The following ANKS1B variants were observed in gnomAD, a reference collection of about 807,000 sequenced individuals.
ANKS1B encodes ankyrin repeat and sterile alpha motif domain-containing protein 1B.
Under a neutral mutation model 148.3 loss-of-function variants are expected in ANKS1B, and 36 were observed. That is an observed-to-expected ratio of 0.24 (90% CI 0.19 to 0.32). The LOEUF is 0.32. Among genes scored for constraint, ANKS1B ranks in the 10% least tolerant of loss-of-function variants. ANKS1B has a pLI of 1.00. For synonymous variants in ANKS1B, 542 were observed against 560.8 expected, an observed-to-expected ratio of 0.97 and a Z score of 0.47; for missense variants, 1,157 against 1,542.6, an observed-to-expected ratio of 0.75 and a Z score of 4.19.
At chr12:99,751,358 A>G (rs893609862) in intron 8 of ANKS1B, among the ~76,000 whole-genome samples, 8 of 152,076 alleles carry the variant, frequency 5.3e-5, no homozygotes, top group Non-Finnish European at 8.8e-5. Context: ...CCTATAAAGC[A>G]TCTCGAAAGT....
At chr12:99,135,858 G>A (rs1367267521) in intron 15 of ANKS1B, among the ~76,000 whole-genome samples, 9 of 152,172 alleles carry the variant, frequency 5.9e-5, no homozygotes. Context: ...AATGATGAAT[G>A]TGTGGCAGTC....
chr12:99,510,470 G>A (rs965741423), intron 9 of ANKS1B, among the ~76,000 whole-genome samples: 3 of 151,954 alleles, frequency 2.0e-5, no homozygotes, highest in Non-Finnish European at 2.9e-5. Flanking sequence ...TTTGACTTTG[G>A]TGGAGGAAGT....
intron 10 of ANKS1B, among the ~76,000 whole-genome samples, chr12:99,502,880 T>A (rs2096669513): frequency 6.6e-6 from 1 of 152,182 alleles, no homozygotes; most frequent in Non-Finnish European, 1.5e-5. Context: ...AAAAATCCAT[T>A]TTTTTCACTT....
At chr12:99,085,902 C>T (rs1307623215) in intron 15 of ANKS1B, among the ~76,000 whole-genome samples, 1 of 152,126 alleles carries the variant, frequency 6.6e-6, no homozygotes, top group Non-Finnish European at 1.5e-5. Flanking sequence ...GGAAAAATAA[C>T]TCATCAGTAC....
At chr12:99,033,351 T>C (rs990035195) in intron 17 of ANKS1B, among the ~76,000 whole-genome samples, 1 of 152,232 alleles carries the variant, frequency 6.6e-6, no homozygotes, top group African/African-American at 2.4e-5. Flanking sequence ...TAAGGACATA[T>C]AAGAAATGCA....
At chr12:99,714,979 A>G (rs2153541955) in intron 8 of ANKS1B, among the ~76,000 whole-genome samples, 1 of 151,278 alleles carries the variant, frequency 6.6e-6, no homozygotes, top group South Asian at 2.1e-4. Context: ...AAAAAAAAAA[A>G]TTAGCTGGGC....
At chr12:99,369,629 C>CT (rs34354908) in intron 12 of ANKS1B, among the ~76,000 whole-genome samples, 67,794 of 151,854 alleles carry the variant, frequency 0.45, 17,413 homozygotes, top group African/African-American at 0.71. Context: ...AGAGAATGCT[C>CT]TTTTCTATAT....
At chr12:99,215,924 G>A (rs577294226) in intron 14 of ANKS1B, among the ~76,000 whole-genome samples, 25 of 152,286 alleles carry the variant, frequency 1.6e-4, no homozygotes, top group South Asian at 8.3e-4. Flanking sequence ...CAAGAGATTT[G>A]GAAGGGGCCA....
intron 17 of ANKS1B, among the ~76,000 whole-genome samples, chr12:98,932,223 C>A (rs946591667): frequency 4.6e-5 from 7 of 152,104 alleles, no homozygotes; most frequent in African/African-American, 1.7e-4. Flanking sequence ...TCCAATCAGC[C>A]CTGCAGCTCC....
intron 15 of ANKS1B, among the ~76,000 whole-genome samples, chr12:99,105,418 A>G (rs1004609384): frequency 1.3e-5 from 2 of 152,196 alleles, no homozygotes; most frequent in Admixed American, 1.3e-4. Context: ...GCCAGATTCT[A>G]TGTCAGAAAG....
At chr12:99,556,542 T>C (rs1458411261) in intron 9 of ANKS1B, among the ~76,000 whole-genome samples, 1 of 152,168 alleles carries the variant, frequency 6.6e-6, no homozygotes, top group African/African-American at 2.4e-5. Context: ...GTTAGGTTAT[T>C]AATTTGAAAT....
intron 16 of ANKS1B, among the ~76,000 whole-genome samples, chr12:99,074,628 T>C (rs1203888676): frequency 6.6e-6 from 1 of 152,220 alleles, no homozygotes; most frequent in Non-Finnish European, 1.5e-5. Context: ...TGGTCATCAC[T>C]TGTAAACAGG....
At chr12:99,060,678 C>CACAT in intron 16 of ANKS1B, among the ~76,000 whole-genome samples, 1 of 98,616 alleles carries the variant, frequency 1.0e-5, no homozygotes, top group African/African-American at 3.1e-5. Flanking sequence ...CACACACACA[C>CACAT]ACACACACAC....
chr12:98,816,514 A>G (rs1166815133), intron 19 of ANKS1B, among the ~76,000 whole-genome samples: 5 of 151,724 alleles, frequency 3.3e-5, no homozygotes, highest in Non-Finnish European at 4.4e-5. Context: ...CAGGTCTCGG[A>G]CTCCTGGCCT....
At chr12:98,821,913 C>CTT (rs35654710) in intron 19 of ANKS1B, among the ~76,000 whole-genome samples, 3,813 of 137,770 alleles carry the variant, frequency 0.028, 87 homozygotes, top group East Asian at 0.097. Context: ...TGGCCTGGGA[C>CTT]TTTTTTTTTT....
chr12:99,751,175 C>T (rs975376360), intron 8 of ANKS1B, among the ~76,000 whole-genome samples: 2 of 151,962 alleles, frequency 1.3e-5, no homozygotes, highest in Non-Finnish European at 2.9e-5. Flanking sequence ...ATTTAATTAA[C>T]ATAATTAAAC....
At chr12:98,982,695 C>T (rs2153231529) in intron 17 of ANKS1B, among the ~76,000 whole-genome samples, 1 of 152,258 alleles carries the variant, frequency 6.6e-6, no homozygotes, top group South Asian at 2.1e-4. Context: ...ACATTATGTT[C>T]CTGAGGTTAA....
At chr12:99,805,281 A>AAAAAAAAAAAAAAAAC in intron 4 of ANKS1B, among the ~76,000 whole-genome samples, 3 of 148,142 alleles carry the variant, frequency 2.0e-5, no homozygotes, top group Non-Finnish European at 3.0e-5. Context: ...AAAAAAAAAA[A>AAAAAAAAAAAAAAAAC]AAAAAAAGAC....
At chr12:99,470,026 G>A (rs139860817) in intron 10 of ANKS1B, among the ~76,000 whole-genome samples, 73 of 151,978 alleles carry the variant, frequency 4.8e-4, no homozygotes, top group African/African-American at 1.6e-3. Context: ...GACTGAGGCA[G>A]GAGAATCACT....
Sources: gnomAD v4.1 joint callset for allele counts (sites outside exome capture counted in the v4.1 genomes callset) on GRCh38, gnomAD v4.1.1 for gene constraint, MANE v1.5 for transcripts, NCBI Gene and HGNC (gene_info 2026-07-23, HGNC 2026-07-21) for gene names.